The following CALD1 variants were observed in gnomAD, a reference collection of about 807,000 sequenced individuals.
CALD1 encodes caldesmon.
CALD1 carries 33 observed loss-of-function variants against 99.9 expected under a neutral mutation model. That is an observed-to-expected ratio of 0.33 (90% confidence interval 0.25 to 0.44). CALD1 has a LOEUF of 0.44. Among genes scored for constraint, CALD1 ranks in the 20% least tolerant of loss-of-function variants. CALD1 has a pLI of 1.00. For missense variants in CALD1, 861 were observed against 962.1 expected (o/e 0.89, Z 1.39); for synonymous variants, 310 against 325.0 (o/e 0.95, Z 0.50).
chr7:134,811,727 T>C (rs1437926651), intron 1 of CALD1, among the ~76,000 whole-genome samples: 2 of 152,200 alleles, frequency 1.3e-5, no homozygotes, highest in East Asian at 3.8e-4. Flanking sequence ...AAACAAATTA[T>C]TGTAGGTGGG....
At chr7:134,826,533 G>T (rs1161651896) in intron 1 of CALD1, among the ~76,000 whole-genome samples, 2 of 152,086 alleles carry the variant, frequency 1.3e-5, no homozygotes, top group Non-Finnish European at 2.9e-5. Flanking sequence ...CTTGCCTGAG[G>T]TCACAAAGCA....
intron 1 of CALD1, among the ~76,000 whole-genome samples, chr7:134,836,580 C>A (rs1421814308): frequency 2.8e-4 from 42 of 152,132 alleles, no homozygotes; most frequent in Admixed American, 2.8e-3. Context: ...GGTAGTTATA[C>A]CCAGCTCAAA....
At chr7:134,824,991 G>A (rs1456402602) in intron 1 of CALD1, among the ~76,000 whole-genome samples, 1 of 152,036 alleles carries the variant, frequency 6.6e-6, no homozygotes, top group Non-Finnish European at 1.5e-5. Flanking sequence ...TCCTTCAGAG[G>A]CTTTTAAATA....
intron 11 of CALD1, among the ~76,000 whole-genome samples, chr7:134,959,310 G>A (rs879857411): frequency 3.0e-4 from 46 of 151,682 alleles, no homozygotes; most frequent in Non-Finnish European, 5.3e-4. Context: ...CCTCCCAACC[G>A]TCTTGTTTTG....
chr7:134,786,228 C>A (rs367861718), intron 1 of CALD1, among the ~76,000 whole-genome samples: 5 of 152,280 alleles, frequency 3.3e-5, no homozygotes, highest in East Asian at 3.9e-4. Flanking sequence ...TGGCAAGCTA[C>A]TCTGAGTAAA....
intron 3 of CALD1, among the ~76,000 whole-genome samples, chr7:134,888,581 CTTG>C (rs1801990555): frequency 6.6e-6 from 1 of 152,244 alleles, no homozygotes; most frequent in Non-Finnish European, 1.5e-5. Flanking sequence ...TCATGATTCA[CTTG>C]TTATCTCTAT....
intron 13 of CALD1, 57 bp from the exon 14 acceptor site, chr7:134,965,249 C>T: frequency 2.4e-6 from 2 of 837,564 alleles, no homozygotes; most frequent in Non-Finnish European, 4.2e-6. Flanking sequence ...TTATTTAGAG[C>T]TGGCTAGAAA....
At chr7:134,890,049 C>A (rs534816904) in intron 3 of CALD1, among the ~76,000 whole-genome samples, 1 of 152,122 alleles carries the variant, frequency 6.6e-6, no homozygotes, top group Non-Finnish European at 1.5e-5. Flanking sequence ...GCTGGGACTA[C>A]AGGCACCTGC....
intron 1 of CALD1, among the ~76,000 whole-genome samples, chr7:134,785,578 A>C (rs979689508): frequency 2.0e-5 from 3 of 152,194 alleles, no homozygotes; most frequent in Non-Finnish European, 4.4e-5. Flanking sequence ...AGCACCCATC[A>C]TGGTGTTTGT....
intron 4 of CALD1, 132 bp downstream of exon 4, chr7:134,929,032 T>C (rs905754951): frequency 5.0e-6 from 4 of 800,358 alleles, no homozygotes; most frequent in Non-Finnish European, 5.8e-6. Context: ...TTAATTATTT[T>C]GCAGTCATTT....
intron 1 of CALD1, among the ~76,000 whole-genome samples, chr7:134,796,456 T>C (rs1043251960): frequency 1.3e-5 from 2 of 152,306 alleles, no homozygotes; most frequent in South Asian, 4.1e-4. Flanking sequence ...CATATATTCA[T>C]AAAGGACACA....
chr7:134,933,463 C>A lies in CALD1; in HGVS notation c.694C>A (p.Gln232Lys). Reference protein sequence around the residue: ...ETVVMSLKNGQISSEEPKQEE... With the variant: ...ETVVMSLKNGKISSEEPKQEE... Reference sequence around the variant, plus strand: ...AGTGGTAATGTCATTAAAAAATGGGCAGATCAGTTCAGAAGAGCCTAAACA... The same window carrying A: ...AGTGGTAATGTCATTAAAAAATGGGAAGATCAGTTCAGAAGAGCCTAAACA... Residue 232 changes from glutamine to lysine, a missense_variant, in exon 5 of 15, where the codon CAG (glutamine) becomes AAG (lysine). Physicochemically the swap from Gln to Lys is moderately conservative, Grantham distance 53 (BLOSUM62 1). Transcript: ENST00000361675. The A allele has an allele frequency of 6.2e-7, 1 of 1,613,690 alleles. No homozygotes were observed. The highest frequency in any genetic ancestry group is 1.6e-4 in the Middle Eastern group (1 of 6,062).
chr7:134,800,739 T>A (rs1797912429), intron 1 of CALD1, among the ~76,000 whole-genome samples: 1 of 152,024 alleles, frequency 6.6e-6, no homozygotes, highest in African/African-American at 2.4e-5. Context: ...TGTCTGAAAA[T>A]CTGAAAACAG....
At chr7:134,749,774 A>G (rs559328511) in intron 1 of CALD1, among the ~76,000 whole-genome samples, 7 of 152,344 alleles carry the variant, frequency 4.6e-5, no homozygotes, top group Admixed American at 1.3e-4. Flanking sequence ...TCAAAGTTCC[A>G]GAAAACAGCA....
intron 1 of CALD1, among the ~76,000 whole-genome samples, chr7:134,762,035 C>T (rs887371191): frequency 5.9e-5 from 9 of 152,142 alleles, no homozygotes; most frequent in Non-Finnish European, 1.2e-4. Context: ...CAGTACTGGA[C>T]GAAAGAGCAC....
At chr7:134,806,462 C>T (rs1798143762) in intron 1 of CALD1, among the ~76,000 whole-genome samples, 1 of 152,166 alleles carries the variant, frequency 6.6e-6, no homozygotes, top group African/African-American at 2.4e-5. Context: ...GCTATCATAC[C>T]CTTAACTCAG....
chr7:134,791,963 G>A (rs558805726), intron 1 of CALD1, among the ~76,000 whole-genome samples: 2 of 152,300 alleles, frequency 1.3e-5, no homozygotes, highest in East Asian at 3.9e-4. Context: ...TCACTACCAC[G>A]AGAATAGTAT....
At chr7:134,809,301 C>T in intron 1 of CALD1, among the ~76,000 whole-genome samples, 1 of 152,178 alleles carries the variant, frequency 6.6e-6, no homozygotes, top group Non-Finnish European at 1.5e-5. Context: ...GCAGCTGAAG[C>T]TGACGGGTCA....
upstream of CALD1, among the ~76,000 whole-genome samples, chr7:134,779,179 G>A (rs889232721): frequency 1.3e-5 from 2 of 151,900 alleles, no homozygotes; most frequent in African/African-American, 4.8e-5. Context: ...CCACCCCCAC[G>A]CCCAATAAAC....
Sources: allele counts gnomAD v4.1 joint callset (sites outside exome capture counted in the v4.1 genomes callset), GRCh38; gene constraint gnomAD v4.1.1; transcripts MANE v1.5; gene names NCBI Gene and HGNC (gene_info 2026-07-23, HGNC 2026-07-21).